The following KAZN variants were observed in gnomAD, a reference collection of about 807,000 sequenced individuals.
KAZN encodes kazrin, periplakin interacting protein.
Under a neutral mutation model 87.4 loss-of-function variants are expected in KAZN, and 40 were observed. The observed-to-expected ratio is 0.46, with a 90% CI of 0.36 to 0.60. KAZN has a LOEUF of 0.60. KAZN is among the 20% of genes least tolerant of loss of function. KAZN has a pLI of 0.00. For synonymous variants in KAZN, 466 were observed against 458.3 expected, an observed-to-expected ratio of 1.02 and a Z score of -0.22; for missense variants, 898 against 1,073.9, an observed-to-expected ratio of 0.84 and a Z score of 2.29.
At chr1:14,337,236 G>A (rs1417054314) in intron 2 of KAZN, among the ~76,000 whole-genome samples, 2 of 152,210 alleles carry the variant, frequency 1.3e-5, no homozygotes, top group Non-Finnish European at 2.9e-5. Flanking sequence ...ATATGGTGCA[G>A]GCAGGTGTCA....
chr1:14,940,051 C>T (rs529511468), intron 1 of KAZN, among the ~76,000 whole-genome samples: 27 of 152,272 alleles, frequency 1.8e-4, no homozygotes, highest in African/African-American at 6.5e-4. Context: ...ATTGATTGGT[C>T]CCTGCCTAAC....
intron 1 of KAZN, among the ~76,000 whole-genome samples, chr1:14,084,540 T>A (rs1244364455): frequency 6.6e-6 from 1 of 152,148 alleles, no homozygotes; most frequent in Non-Finnish European, 1.5e-5. Flanking sequence ...TCCTGCTCTG[T>A]TGCAGCCCAT....
chr1:14,846,913 C>T (rs554018894), intron 1 of KAZN, among the ~76,000 whole-genome samples: 7 of 152,246 alleles, frequency 4.6e-5, no homozygotes, highest in Admixed American at 1.3e-4. Context: ...CACGTGAACC[C>T]GGGTCTGGCT....
At chr1:14,105,828 C>T (rs532432769) in intron 1 of KAZN, among the ~76,000 whole-genome samples, 221 of 152,244 alleles carry the variant, frequency 1.5e-3, no homozygotes, top group Middle Eastern at 3.4e-3. Flanking sequence ...GGTGAAAAGT[C>T]CTCTTTGGAA....
chr1:14,790,540 A>G (rs1175049662), intron 1 of KAZN, among the ~76,000 whole-genome samples: 1 of 152,114 alleles, frequency 6.6e-6, no homozygotes, highest in African/African-American at 2.4e-5. Context: ...CTAATTACAG[A>G]ATGTTTACAG....
At chr1:14,563,054 A>G (rs1198289798) in intron 2 of KAZN, among the ~76,000 whole-genome samples, 1 of 152,212 alleles carries the variant, frequency 6.6e-6, no homozygotes, top group Non-Finnish European at 1.5e-5. Flanking sequence ...CTGTCAAATC[A>G]GAAGGACAAA....
intron 2 of KAZN, among the ~76,000 whole-genome samples, chr1:14,385,324 CTGA>C (rs1661773909): frequency 6.6e-6 from 1 of 152,080 alleles, no homozygotes; most frequent in Admixed American, 6.5e-5. Flanking sequence ...CAGTTCTGCT[CTGA>C]TTTTAGTTAT....
chr1:14,316,254 G>C (rs1655650457), intron 2 of KAZN, among the ~76,000 whole-genome samples: 2 of 151,984 alleles, frequency 1.3e-5, no homozygotes, highest in Admixed American at 1.3e-4. Context: ...TCAGTTGTAA[G>C]AGTTCTTTAT....
intron 2 of KAZN, among the ~76,000 whole-genome samples, chr1:14,243,680 T>A (rs912882264): frequency 6.6e-6 from 1 of 152,156 alleles, no homozygotes; most frequent in Non-Finnish European, 1.5e-5. Flanking sequence ...AAATAAATAA[T>A]AAAAGAATTT....
chr1:14,826,228 A>G (rs1435476339), intron 1 of KAZN, among the ~76,000 whole-genome samples: 1 of 152,238 alleles, frequency 6.6e-6, no homozygotes, highest in Non-Finnish European at 1.5e-5. Context: ...AAAAGCAGGA[A>G]TAAAGGGAAA....
intron 1 of KAZN, among the ~76,000 whole-genome samples, chr1:14,925,184 C>T (rs1321775533): frequency 6.6e-6 from 1 of 152,190 alleles, no homozygotes; most frequent in African/African-American, 2.4e-5. Flanking sequence ...TTAAAGTGTT[C>T]CCAGCGGGTG....
At chr1:14,872,109 C>T (rs1330116544) in intron 1 of KAZN, among the ~76,000 whole-genome samples, 1 of 152,198 alleles carries the variant, frequency 6.6e-6, no homozygotes, top group Non-Finnish European at 1.5e-5. Flanking sequence ...GCACCAGTCC[C>T]TTAAATTACC....
rs577409613 is a variant in KAZN at position 15,096,874 on chromosome 1, A to C, written c.1547+1941A>C. On this transcript the variant is annotated intron_variant, in intron 10 of 14. Transcript: ENST00000376030. The surrounding 1 kb of genome is among the most constrained non-coding windows in gnomAD (Gnocchi z 4.5). The stretch of plus-strand genomic sequence containing the variant: ...TCACATCGAAGGTTAGGATTTCAGC[A>C]TGTGAATTGGGTGGGGGGCATGGCA... Among the ~76,000 whole-genome samples, 1 of 152,166 alleles carries C rather than the reference A, an allele frequency of 6.6e-6. No homozygotes were observed. Among genetic ancestry groups the C allele is most frequent in the Non-Finnish European group, 1.5e-5 (1 of 68,038 alleles).
At chr1:14,619,329 C>T (rs1368255184) in intron 1 of KAZN, among the ~76,000 whole-genome samples, 1 of 151,526 alleles carries the variant, frequency 6.6e-6, no homozygotes, top group Non-Finnish European at 1.5e-5. Flanking sequence ...TCCTAAGTAG[C>T]TAGATCTACA....
At chr1:14,243,898 C>T (rs1171757615) in intron 2 of KAZN, among the ~76,000 whole-genome samples, 3 of 152,098 alleles carry the variant, frequency 2.0e-5, no homozygotes, top group African/African-American at 4.8e-5. Context: ...AGAGGGCCAG[C>T]GTAGTTTACC....
chr1:14,466,913 G>C (rs2148361003), intron 2 of KAZN, among the ~76,000 whole-genome samples: 1 of 152,222 alleles, frequency 6.6e-6, no homozygotes, highest in Non-Finnish European at 1.5e-5. Context: ...AGGTTGCAGT[G>C]AGCCGAGATC....
chr1:14,736,631 GGGTCCCCAGAT>G (rs1643918054), intron 1 of KAZN, among the ~76,000 whole-genome samples: 1 of 151,966 alleles, frequency 6.6e-6, no homozygotes, highest in Non-Finnish European at 1.5e-5. Flanking sequence ...ATTTTTAACA[GGGTCCCCAGAT>G]GGTTTTGCTG....
chr1:14,836,936 G>A (rs367604187), intron 1 of KAZN, among the ~76,000 whole-genome samples: 34 of 152,140 alleles, frequency 2.2e-4, no homozygotes, highest in Middle Eastern at 3.4e-3. Flanking sequence ...GGTGCTTCCC[G>A]TCCACTCCTC....
chr1:14,394,385 G>C (rs1662714962), intron 2 of KAZN, among the ~76,000 whole-genome samples: 1 of 152,168 alleles, frequency 6.6e-6, no homozygotes, highest in Non-Finnish European at 1.5e-5. Context: ...AATAATGAAG[G>C]AATCTGGGAT....
Sources: gnomAD v4.1 joint callset for allele counts (sites outside exome capture counted in the v4.1 genomes callset) on GRCh38, gnomAD v4.1.1 for gene constraint, Gnocchi (gnomAD v3.1) non-coding constraint, MANE v1.5 for transcripts, NCBI Gene and HGNC (gene_info 2026-07-23, HGNC 2026-07-21) for gene names.